The following FGFRL1 variants were observed in gnomAD, a reference collection of about 807,000 sequenced individuals.
The protein encoded by FGFRL1 is fibroblast growth factor receptor like 1.
Under a neutral mutation model 36.8 loss-of-function variants are expected in FGFRL1, and 24 were observed. The observed-to-expected ratio is 0.65, with a 90% CI of 0.47 to 0.92. The LOEUF (loss-of-function observed/expected upper bound fraction) is 0.92. Ranked by LOEUF, FGFRL1 falls within the 40% of genes least tolerant of loss-of-function variation. The probability of loss-of-function intolerance (pLI) is 0.00; values close to 1 mark genes in which losing one functional copy is unlikely to be tolerated. For missense variants in FGFRL1, 785 were observed against 753.4 expected (o/e 1.04, Z -0.49); for synonymous variants, 422 against 344.1 (o/e 1.23, Z -2.50).
chr4:1,010,641 C>A (rs964301295), upstream of FGFRL1, among the ~76,000 whole-genome samples: 1 of 152,010 alleles, frequency 6.6e-6, no homozygotes. Context: ...GGGTGTGAGG[C>A]GGGATGTGGG....
Position 1,025,425 on chromosome 4 carries a change from C to CA in FGFRL1, c.*78_*79insA. The CA allele has an allele frequency of 6.8e-7, 1 of 1,479,720 alleles. No homozygotes were observed. The highest frequency in any genetic ancestry group is 9.1e-7 in the Non-Finnish European group (1 of 1,104,742). 91.7% of individuals were successfully genotyped at this position (1,479,720 alleles called of 1,614,324 possible). A position where few individuals can be genotyped will look rare whatever the true frequency, so the allele number is the denominator to read the frequency against. On this transcript the variant is annotated 3_prime_UTR_variant, in exon 7 of 7. Transcript: ENST00000510644. ...GGAGGATGGAGGACGGAGCTGCAGA[C>CA]GAAGGCAGGGGACCCATGGCGAGGA...
intron 2 of FGFRL1, among the ~76,000 whole-genome samples, chr4:1,018,140 G>A (rs1329144690): frequency 6.6e-6 from 1 of 152,146 alleles, no homozygotes; most frequent in Admixed American, 6.5e-5. Context: ...GGCCGCAGGG[G>A]GTTCCTGCCT....
In FGFRL1 at chr4:1,026,732, C is replaced by T. The variant is rs1716559807; in HGVS notation, c.*1385C>T. On this transcript the variant is annotated 3_prime_UTR_variant, in exon 7 of 7. Transcript: ENST00000510644. ...GTCTCTCCTGGGGCCCGGGACCCGC[C>T]TGGTCTTTCAGCCATGCTGATGACC... 2.4e-6 allele frequency: 1 copy of T among 412,104 alleles called. No homozygotes were observed. The highest frequency in any genetic ancestry group is 4.9e-6 in the Non-Finnish European group (1 of 204,582). 25.5% of individuals were successfully genotyped at this position (412,104 alleles called of 1,614,324 possible). A position where few individuals can be genotyped will look rare whatever the true frequency, so the allele number is the denominator to read the frequency against.
At chr4:1,012,324 C>G (rs1490899998) in intron 1 of FGFRL1, 146 bp from the exon 2 acceptor site, 4 of 814,196 alleles carry the variant, frequency 4.9e-6, no homozygotes, top group Non-Finnish European at 7.4e-6. Context: ...CACAGCTTCT[C>G]CCCGCTGCGG....
At position 1,023,658 on chromosome 4, in the gene FGFRL1, A is replaced by G; in HGVS notation, c.370A>G (p.Lys124Glu). 1 of 1,604,292 alleles carries G rather than the reference A, an allele frequency of 6.2e-7. No homozygotes were observed. Among genetic ancestry groups the G allele is most frequent in the Non-Finnish European group, 8.5e-7 (1 of 1,177,442 alleles). Residue 124 changes from lysine to glutamate, a missense_variant, in exon 4 of 7, where the codon AAG (lysine) becomes GAG (glutamate). Lys to Glu is a moderately conservative substitution (Grantham distance 56). Coordinates refer to ENST00000510644, the MANE Select transcript of FGFRL1 (RefSeq NM_001004356.3). The surrounding 1 kb of genome is among the most constrained non-coding windows in gnomAD (Gnocchi z 6.0). The stretch of plus-strand genomic sequence containing the variant: ...CTCTGCAGATGACATTAGCCCAGGG[A>G]AGGAGAGCCTGGGGCCCGACAGCTC... ...LVVLDDISPG[K>E]ESLGPDSSSG...
Position 1,011,706 on chromosome 4 carries a change from GCCCCGGC to G in FGFRL1, c.-254_-248del, listed in dbSNP as rs886766051. ...CTCGCCCCGCCGCCCCGGGATCCCGGCCCCGGCCCCCGGCCCCGCGGACTCGCCCCCG... is the reference window on the plus strand; with the variant it reads ...CTCGCCCCGCCGCCCCGGGATCCCGGCCCCGGCCCCGCGGACTCGCCCCCG... On this transcript the variant is annotated 5_prime_UTR_variant, in exon 1 of 7. Transcript: ENST00000510644. The G allele has an allele frequency of 5.8e-5, 8 of 137,572 alleles. No homozygotes were observed. Among genetic ancestry groups the G allele is most frequent in the Non-Finnish European group, 1.1e-4 (7 of 62,472 alleles). The allele number at this position is 137,572 out of a possible 1,614,324, so 8.5% of individuals were successfully genotyped here. A position where few individuals can be genotyped will look rare whatever the true frequency, so the allele number is the denominator to read the frequency against.
chr4:1,015,631 C>T (rs1194360403), intron 2 of FGFRL1, among the ~76,000 whole-genome samples: 5 of 152,234 alleles, frequency 3.3e-5, no homozygotes, highest in Non-Finnish European at 2.9e-5. Context: ...TGGCAGAAGG[C>T]TCAATTACTT....
chr4:1,020,464 C>A (rs192946618), intron 2 of FGFRL1, among the ~76,000 whole-genome samples: 1 of 151,752 alleles, frequency 6.6e-6, no homozygotes, highest in Non-Finnish European at 1.5e-5. Flanking sequence ...AGGTACAGGC[C>A]CTGCGGTGCC....
chr4:1,020,997 A>C (rs1286785376), intron 2 of FGFRL1, among the ~76,000 whole-genome samples: 1 of 6,218 alleles, frequency 1.6e-4, no homozygotes, highest in East Asian at 5.1e-3. Flanking sequence ...CAGGCAGGGG[A>C]TGGGGCGGGG....
chr4:1,025,744 C>T lies in FGFRL1; in HGVS notation c.*397C>T, dbSNP rs1423202709. 2.4e-5 allele frequency: 7 copies of T among 294,262 alleles called. No individual in the cohort carries two copies. Among genetic ancestry groups the T allele is most frequent in the Admixed American group, 4.9e-5 (1 of 20,288 alleles). The allele number at this position is 294,262 out of a possible 1,614,324, so 18.2% of individuals were successfully genotyped here. A position where few individuals can be genotyped will look rare whatever the true frequency, so the allele number is the denominator to read the frequency against. On this transcript the variant is annotated 3_prime_UTR_variant, in exon 7 of 7. Coordinates refer to ENST00000510644, the MANE Select transcript of FGFRL1 (RefSeq NM_001004356.3). The stretch of plus-strand genomic sequence containing the variant: ...TGCTGCCTGGACACACACACACACA[C>T]GGATATGCTGTCTGGACGCACACAC...
At chr4:1,016,554 C>T (rs1269436634) in intron 2 of FGFRL1, among the ~76,000 whole-genome samples, 1 of 151,992 alleles carries the variant, frequency 6.6e-6, no homozygotes, top group Non-Finnish European at 1.5e-5. Context: ...AGAAGGTTCC[C>T]CCGAATGCTT....
chr4:1,011,462 G>T (rs975629296), upstream of FGFRL1, among the ~76,000 whole-genome samples: 1 of 146,422 alleles, frequency 6.8e-6, no homozygotes, highest in Admixed American at 6.8e-5. Flanking sequence ...TCCGCACCGC[G>T]AGGGTTAAGG....
chr4:1,011,768 C>T lies in FGFRL1; in HGVS notation c.-203C>T, dbSNP rs1361439791. ...CTGCCCGGTCCGGGACCCCGCGCCC[C>T]GAGCGCCCGAGCCCGGACCCCGACC... is the stretch of plus-strand genomic sequence containing the variant. On this transcript the variant is annotated 5_prime_UTR_variant, in exon 1 of 7. Transcript: ENST00000510644. The T allele has an allele frequency of 7.0e-6, 1 of 142,322 alleles. No homozygotes were observed. The highest frequency in any genetic ancestry group is 1.6e-5 in the Non-Finnish European group (1 of 64,148). The allele number at this position is 142,322 out of a possible 1,614,324, so 8.8% of individuals were successfully genotyped here. A position where few individuals can be genotyped will look rare whatever the true frequency, so the allele number is the denominator to read the frequency against.
chr4:1,020,694 C>T (rs1381650871), intron 2 of FGFRL1, among the ~76,000 whole-genome samples: 2 of 17,294 alleles, frequency 1.2e-4, no homozygotes, highest in South Asian at 3.2e-3. Context: ...GGGAATGGGG[C>T]GATGGGGCGG....
chr4:1,011,596 CG>C (rs111348090), upstream of FGFRL1, among the ~76,000 whole-genome samples: 122,229 of 122,300 alleles, frequency 1, 61,080 homozygotes, highest in Middle Eastern at 1. Context: ...GGGGGCGGGT[CG>C]GGGGTCCGGG....
In FGFRL1 at chr4:1,023,594, A is replaced by G; in HGVS notation, c.353-47A>G. 2 of 1,522,618 alleles carry G rather than the reference A, an allele frequency of 1.3e-6. No homozygotes were observed. The highest frequency in any genetic ancestry group is 1.8e-6 in the Non-Finnish European group (2 of 1,121,762). 94.3% of individuals were successfully genotyped at this position (1,522,618 alleles called of 1,614,324 possible). A position where few individuals can be genotyped will look rare whatever the true frequency, so the allele number is the denominator to read the frequency against. ...CACGGGGGAGTTGGGGGAGCTCCTC[A>G]GGGCCCCCCTCACCTGCCCTCCCTG... On this transcript the variant is annotated intron_variant, in intron 3 of 6. Coordinates refer to ENST00000510644, the MANE Select transcript of FGFRL1 (RefSeq NM_001004356.3). The surrounding 1 kb of genome is among the most constrained non-coding windows in gnomAD (Gnocchi z 6.0).
At chr4:1,010,929 G>C (rs969636070), upstream of FGFRL1, 1 of 152,264 alleles carries the variant, frequency 6.6e-6, no homozygotes, top group Non-Finnish European at 1.5e-5. Flanking sequence ...ACTAGCAGGT[G>C]AGAGGCTGGG....
rs781519043 is a variant in FGFRL1 at position 1,016,415 on chromosome 4, G to A, written c.79+3851G>A. On this transcript the variant is annotated intron_variant, in intron 2 of 6. Transcript: ENST00000510644. Reference sequence around the variant, plus strand: ...GGTCTGGACTGGGATGGGTACGGAGGAATCTTTGCCTGTTTTAGTGCTGTA... The same window carrying A: ...GGTCTGGACTGGGATGGGTACGGAGAAATCTTTGCCTGTTTTAGTGCTGTA... 1.7e-4 allele frequency among the ~76,000 whole-genome samples: 26 copies of A among 152,162 alleles called. 1 individual carries two copies. Among genetic ancestry groups the A allele is most frequent in the African/African-American group, 3.1e-4 (13 of 41,436 alleles).
chr4:1,015,036 C>G (rs969358531), intron 2 of FGFRL1, among the ~76,000 whole-genome samples: 1 of 152,110 alleles, frequency 6.6e-6, no homozygotes, highest in Non-Finnish European at 1.5e-5. Flanking sequence ...TTTCCCCAGT[C>G]GTGGCCTCCA....
Sources: allele counts gnomAD v4.1 joint callset (sites outside exome capture counted in the v4.1 genomes callset), GRCh38; gene constraint gnomAD v4.1.1; non-coding constraint Gnocchi (gnomAD v3.1); transcripts MANE v1.5; gene names NCBI Gene and HGNC (gene_info 2026-07-23, HGNC 2026-07-21).